The following VAV1 variants were observed in gnomAD, a reference collection of about 807,000 sequenced individuals.
VAV1 encodes the protein vav guanine nucleotide exchange factor 1, also known as proto-oncogene vav.
In VAV1, 33 loss-of-function variants were observed where a neutral mutation model predicts 128.1. That is an observed-to-expected ratio of 0.26 (90% CI 0.20 to 0.34). VAV1 has a LOEUF of 0.34. Ranked by LOEUF, VAV1 falls within the 10% of genes least tolerant of loss-of-function variation. VAV1 has a pLI of 1.00. For synonymous variants in VAV1, 394 were observed against 409.8 expected (o/e 0.96, Z 0.47); for missense variants, 715 against 1,093.7 (o/e 0.65, Z 4.88).
chr19:6,809,820 T>C (rs1168427520), intron 1 of VAV1, among the ~76,000 whole-genome samples: 1 of 151,820 alleles, frequency 6.6e-6, no homozygotes, highest in Non-Finnish European at 1.5e-5. Context: ...TGACAGATAG[T>C]TTGGATGTAG....
At chr19:6,833,766 A>T in intron 18 of VAV1, 33 bp downstream of exon 18, 2 of 1,613,898 alleles carry the variant, frequency 1.2e-6, no homozygotes, top group Non-Finnish European at 1.7e-6. Flanking sequence ...CCTGTGTACC[A>T]CAAATAATGG....
Position 6,832,115 on chromosome 19 carries a change from G to A in VAV1, c.1423G>A (p.Glu475Lys), listed in dbSNP as rs144739934. The change falls in exon 15 of 27, where the codon GAG becomes AAG. Residue 475 changes from glutamate to lysine, a missense_variant. Physicochemically the swap from Glu to Lys is moderately conservative, Grantham distance 56 (BLOSUM62 1). Coordinates refer to ENST00000602142, the MANE Select transcript of VAV1 (RefSeq NM_005428.4). ...KKWSHMFLLI[E>K]DQGAQGYELF... ...GTGGAGCCACATGTTCCTCCTGATCGAGGACCAAGGTGCCCAGGGCTATGA... is the reference window on the plus strand; with the variant it reads ...GTGGAGCCACATGTTCCTCCTGATCAAGGACCAAGGTGCCCAGGGCTATGA... The A allele has an allele frequency of 6.4e-5, 104 of 1,613,984 alleles. No individual in the cohort carries two copies. The highest frequency in any genetic ancestry group is 2.3e-5 in the Non-Finnish European group (27 of 1,180,020).
rs1972633869 is a variant in VAV1, at chr19:6,850,227, T to G, written c.2130-443T>G. ...GAGTTTTGTTTGTTTGTTTCTTTGT[T>G]TTTTTTTTTTTTTTTTTTGTGATCT... On this transcript the variant is annotated intron_variant, in intron 23 of 26. Transcript: ENST00000602142. Among the ~76,000 whole-genome samples the G allele has an allele frequency of 4.4e-5, 3 of 68,724 alleles. No homozygotes were observed. The African/African-American group carries it at 7.5e-4, about 17-fold the overall frequency. 45.1% of individuals were successfully genotyped at this position (68,724 alleles called of 152,430 possible).
intron 16 of VAV1, 95 bp from the exon 17 acceptor site, chr19:6,833,433 A>G: frequency 7.0e-7 from 1 of 1,420,826 alleles, no homozygotes; most frequent in South Asian, 1.4e-5. Context: ...CCTGATCTAA[A>G]GAGAACCCAA....
At chr19:6,853,150 C>T in intron 25 of VAV1, 71 bp downstream of exon 25, 2 of 1,388,762 alleles carry the variant, frequency 1.4e-6, no homozygotes, top group Non-Finnish European at 2.0e-6. Flanking sequence ...TTGGGGATGC[C>T]ATTGACACCC....
In VAV1 at chr19:6,836,498, C is replaced by T. The variant is rs758497118; in HGVS notation, c.1844C>T (p.Pro615Leu). ...GLPPPPGAIG[P>L]FLRLNPGDIV... is the part of the protein sequence containing the mutation. ...CCTCCACCCCCTGGAGCCATTGGACCCTTTCTACGGCTCAACCCTGGAGAC... is the reference window on the plus strand; with the variant it reads ...CCTCCACCCCCTGGAGCCATTGGACTCTTTCTACGGCTCAACCCTGGAGAC... The change falls in exon 20 of 27, where the codon CCC (proline) becomes CTC (leucine). Residue 615 changes from proline (P) to leucine (L), a missense_variant. Physicochemically the swap from Pro to Leu is moderately conservative, Grantham distance 98. Coordinates refer to ENST00000602142, the MANE Select transcript of VAV1 (RefSeq NM_005428.4). The T allele has an allele frequency of 1.2e-5, 19 of 1,613,922 alleles. No individual in the cohort carries two copies. The East Asian group carries it at 1.6e-4, about 13-fold the overall frequency.
intron 1 of VAV1, among the ~76,000 whole-genome samples, chr19:6,804,945 G>A (rs930809205): frequency 8.6e-5 from 13 of 151,372 alleles, no homozygotes; most frequent in African/African-American, 2.9e-4. Flanking sequence ...GGATGGTCTC[G>A]ATTGCCTGAC....
In VAV1 at chr19:6,786,520, C is replaced by T. The variant is rs529914012; in HGVS notation, c.204+13509C>T. On this transcript the variant is annotated intron_variant, in intron 1 of 26. Transcript: ENST00000602142. ...AATTATGGCTGGGTGCAGTGGCTCACGCCTGTAATCTTAAGACATTGGGAG... is the reference window on the plus strand; with the variant it reads ...AATTATGGCTGGGTGCAGTGGCTCATGCCTGTAATCTTAAGACATTGGGAG... Among the ~76,000 whole-genome samples the T allele has an allele frequency of 1.1e-3, 160 of 152,098 alleles. 1 individual carries two copies. The highest frequency in any genetic ancestry group is 3.7e-3 in the African/African-American group (153 of 41,496).
chr19:6,855,804 TCTATCTA>T (rs1972782789), intron 26 of VAV1, among the ~76,000 whole-genome samples: 1 of 9,364 alleles, frequency 1.1e-4, no homozygotes, highest in Non-Finnish European at 3.3e-4. Flanking sequence ...CACCCATTCA[TCTATCTA>T]TCTATCTATC....
At chr19:6,773,712 G>C (rs892563008) in intron 1 of VAV1, among the ~76,000 whole-genome samples, 2 of 152,222 alleles carry the variant, frequency 1.3e-5, no homozygotes, top group Non-Finnish European at 2.9e-5. Flanking sequence ...CCAGGCTGGA[G>C]GGGTGGTGGT....
chr19:6,791,465 G>T (rs941867540), intron 1 of VAV1, among the ~76,000 whole-genome samples: 2 of 151,698 alleles, frequency 1.3e-5, no homozygotes, highest in Admixed American at 1.3e-4. Flanking sequence ...CTTATCCTGG[G>T]GTCCTTGAGC....
chr19:6,835,224 CA>C (rs1972192607), intron 19 of VAV1, among the ~76,000 whole-genome samples: 2 of 150,800 alleles, frequency 1.3e-5, no homozygotes, highest in Non-Finnish European at 3.0e-5. Context: ...TACACACACA[CA>C]CACACACACA....
rs774261638 is a variant in VAV1 at position 6,826,624 on chromosome 19, T to C, written c.840T>C (p.Tyr280=). Reference sequence around the variant, plus strand: ...CTTCTCCCTGTAGGTTCCTCGTCTATGGCCGCTACTGCAGCCAGGTGGAGT... The same window carrying C: ...CTTCTCCCTGTAGGTTCCTCGTCTACGGCCGCTACTGCAGCCAGGTGGAGT... ...FIKYKERFLV[Y]GRYCSQVESA... The change falls in exon 9 of 27, where the codon TAT becomes TAC. Residue 280 remains tyrosine, a synonymous_variant. Coordinates refer to ENST00000602142, the MANE Select transcript of VAV1 (RefSeq NM_005428.4). This position sits in a 1 kb window ranked among gnomAD's most constrained non-coding sequence, Gnocchi z 4.1. 13 of 1,555,020 alleles carry C rather than the reference T, an allele frequency of 8.4e-6. No homozygotes were observed. The East Asian group carries it at 3.1e-4, about 38-fold the overall frequency.
intron 1 of VAV1, among the ~76,000 whole-genome samples, chr19:6,780,439 A>T (rs942364894): frequency 6.6e-6 from 1 of 150,776 alleles, no homozygotes; most frequent in Non-Finnish European, 1.5e-5. Context: ...ATAAACCTAG[A>T]GGGTACAGCA....
intron 1 of VAV1, among the ~76,000 whole-genome samples, chr19:6,794,847 G>A (rs554171224): frequency 6.6e-6 from 1 of 152,228 alleles, no homozygotes; most frequent in African/African-American, 2.4e-5. Context: ...AGTGATGATG[G>A]TGCCTCAGCT....
At chr19:6,829,697 G>T in intron 13 of VAV1, 89 bp from the exon 14 acceptor site, 1 of 1,574,170 alleles carries the variant, frequency 6.4e-7, no homozygotes, top group Non-Finnish European at 8.7e-7. Flanking sequence ...AGAAGGGCAG[G>T]GTGGGACCAG....
chr19:6,851,047 TATAC>T (rs897714164), intron 24 of VAV1, among the ~76,000 whole-genome samples: 2 of 152,166 alleles, frequency 1.3e-5, no homozygotes, highest in African/African-American at 4.8e-5. Flanking sequence ...TATATGCATA[TATAC>T]ATACATATGT....
chr19:6,828,996 G>A lies in VAV1; in HGVS notation c.1265+96G>A. The A allele has an allele frequency of 6.9e-7, 1 of 1,445,388 alleles. No individual in the cohort carries two copies. The highest frequency in any genetic ancestry group is 9.6e-7 in the Non-Finnish European group (1 of 1,044,450). The allele number at this position is 1,445,388 out of a possible 1,614,324, so 89.5% of individuals were successfully genotyped here. A position where few individuals can be genotyped will look rare whatever the true frequency, so the allele number is the denominator to read the frequency against. On this transcript the variant is annotated intron_variant, in intron 13 of 26. Transcript: ENST00000602142. This position sits in a 1 kb window ranked among gnomAD's most constrained non-coding sequence, Gnocchi z 4.5. ...GGTGGGTGGAGTCAACACAGATCTG[G>A]GTGGAGCCTGGGCAGGGGCGGGGCC...
At chr19:6,847,479 G>A (rs1972553188) in intron 22 of VAV1, among the ~76,000 whole-genome samples, 2 of 152,174 alleles carry the variant, frequency 1.3e-5, no homozygotes, top group South Asian at 4.1e-4. Context: ...TGTAGCCCAT[G>A]TCAGTGCTGC....
Sources: allele counts gnomAD v4.1 joint callset (sites outside exome capture counted in the v4.1 genomes callset), GRCh38; gene constraint gnomAD v4.1.1; non-coding constraint Gnocchi (gnomAD v3.1); transcripts MANE v1.5; gene names NCBI Gene and HGNC (gene_info 2026-07-23, HGNC 2026-07-21).